Variants in GPC5 observed in about 807,000 individuals in gnomAD.
The protein encoded by GPC5 is glypican-5.
GPC5 carries 47 observed loss-of-function variants against 53.9 expected under a neutral mutation model. The observed-to-expected ratio is 0.87, with a 90% CI of 0.69 to 1.11. The LOEUF is 1.11. GPC5 is among the 50% of genes most tolerant of loss of function. GPC5 has a pLI of 0.00. For missense variants in GPC5, 748 were observed against 713.1 expected (o/e 1.05, Z -0.56); for synonymous variants, 286 against 263.3 (o/e 1.09, Z -0.84).
At chr13:92,667,904 G>A (rs1886627279) in intron 7 of GPC5, among the ~76,000 whole-genome samples, 1 of 152,126 alleles carries the variant, frequency 6.6e-6, no homozygotes, top group Admixed American at 6.6e-5. Flanking sequence ...GGGATTTCAA[G>A]TGAGCAAAAA....
At chr13:92,304,962 G>A (rs887845763) in intron 7 of GPC5, among the ~76,000 whole-genome samples, 1 of 152,146 alleles carries the variant, frequency 6.6e-6, no homozygotes, top group African/African-American at 2.4e-5. Context: ...CTAACCATTA[G>A]AGTAAATAGA....
chr13:91,427,796 G>A lies in GPC5; in HGVS notation c.164-20965G>A, dbSNP rs530669801. 2.6e-5 allele frequency among the ~76,000 whole-genome samples: 4 copies of A among 152,288 alleles called. No individual in the cohort carries two copies. In the East Asian group the frequency reaches 5.8e-4, roughly 22 times the overall value. On this transcript the variant is annotated intron_variant, in intron 1 of 7. Transcript: ENST00000377067. ...TCATCTTGAATTGATGTCCCCAGGTGTTGATGGAGAGACCTGGGGGGAAGT... is the reference window on the plus strand; with the variant it reads ...TCATCTTGAATTGATGTCCCCAGGTATTGATGGAGAGACCTGGGGGGAAGT...
intron 5 of GPC5, among the ~76,000 whole-genome samples, chr13:91,859,523 G>A (rs566533862): frequency 2.6e-5 from 4 of 151,676 alleles, no homozygotes; most frequent in Non-Finnish European, 5.9e-5. Context: ...AATAAGCTTT[G>A]GTAATTTGTC....
intron 2 of GPC5, among the ~76,000 whole-genome samples, chr13:91,460,579 G>A (rs1045240787): frequency 2.6e-5 from 4 of 152,014 alleles, no homozygotes; most frequent in Non-Finnish European, 5.9e-5. Context: ...TGGGATTACA[G>A]GCATGAGCCA....
chr13:92,140,521 TAAG>T (rs1325769244), intron 6 of GPC5, among the ~76,000 whole-genome samples: 2 of 152,192 alleles, frequency 1.3e-5, no homozygotes, highest in Admixed American at 1.3e-4. Flanking sequence ...TCTAGGAAAT[TAAG>T]AAGCGGCCAT....
intron 7 of GPC5, among the ~76,000 whole-genome samples, chr13:92,793,588 T>C (rs1031154355): frequency 6.6e-6 from 1 of 151,416 alleles, no homozygotes; most frequent in African/African-American, 2.4e-5. Context: ...AAACAATGAA[T>C]CCAGGAGCTA....
At chr13:91,858,986 A>T (rs2138907137) in intron 5 of GPC5, among the ~76,000 whole-genome samples, 1 of 150,502 alleles carries the variant, frequency 6.6e-6, no homozygotes, top group South Asian at 2.1e-4. Flanking sequence ...TTTCTAAAAT[A>T]TCAACTATAA....
intron 6 of GPC5, among the ~76,000 whole-genome samples, chr13:92,094,884 T>G (rs2041410099): frequency 6.6e-6 from 1 of 152,152 alleles, no homozygotes; most frequent in African/African-American, 2.4e-5. Flanking sequence ...TGTGTTTCCA[T>G]TTCTCTCTCT....
intron 7 of GPC5, among the ~76,000 whole-genome samples, chr13:92,362,380 T>C (rs1465274840): frequency 6.6e-6 from 1 of 151,814 alleles, no homozygotes; most frequent in African/African-American, 2.4e-5. Flanking sequence ...AAACTTTTGA[T>C]AAAGGGTTAA....
chr13:91,417,230 T>C (rs1446329108), intron 1 of GPC5, among the ~76,000 whole-genome samples: 4 of 152,314 alleles, frequency 2.6e-5, no homozygotes, highest in African/African-American at 9.6e-5. Flanking sequence ...TACTGTGTCA[T>C]ACCAAGGTCG....
chr13:92,267,716 G>A (rs1027652394), intron 7 of GPC5, among the ~76,000 whole-genome samples: 3 of 148,030 alleles, frequency 2.0e-5, no homozygotes, highest in African/African-American at 7.6e-5. Flanking sequence ...CTCTTTTTTT[G>A]TAAATAAAGT....
At chr13:91,717,147 G>C (rs1248449705) in intron 3 of GPC5, among the ~76,000 whole-genome samples, 1 of 152,088 alleles carries the variant, frequency 6.6e-6, no homozygotes, top group African/African-American at 2.4e-5. Context: ...GTGGAAACAG[G>C]CAAGGAGAAA....
chr13:92,197,715 C>T (rs1286662762), intron 7 of GPC5, among the ~76,000 whole-genome samples: 1 of 150,640 alleles, frequency 6.6e-6, no homozygotes, highest in African/African-American at 2.5e-5. Context: ...GGGGCTTTGC[C>T]ATGTTTCCCA....
At chr13:92,185,860 A>C (rs1351006311) in intron 7 of GPC5, among the ~76,000 whole-genome samples, 1 of 152,176 alleles carries the variant, frequency 6.6e-6, no homozygotes, top group Non-Finnish European at 1.5e-5. Flanking sequence ...AACTCTGGGA[A>C]AGAATAGATA....
At chr13:92,450,334 T>C (rs566814259) in intron 7 of GPC5, among the ~76,000 whole-genome samples, 2 of 152,322 alleles carry the variant, frequency 1.3e-5, no homozygotes, top group African/African-American at 4.8e-5. Flanking sequence ...ATGAGATATC[T>C]TAGGGATGGG....
chr13:91,987,961 T>C (rs563474857), intron 6 of GPC5, among the ~76,000 whole-genome samples: 24 of 145,826 alleles, frequency 1.6e-4, no homozygotes, highest in Non-Finnish European at 3.0e-4. Flanking sequence ...TTATAGTAAA[T>C]ATATAATATA....
chr13:92,287,743 C>G (rs575129224), intron 7 of GPC5, among the ~76,000 whole-genome samples: 5 of 152,176 alleles, frequency 3.3e-5, no homozygotes, highest in Non-Finnish European at 7.4e-5. Context: ...TATAATGTGT[C>G]TCAGTGTAAG....
chr13:91,788,153 C>A (rs1417014057), intron 5 of GPC5, among the ~76,000 whole-genome samples: 2 of 152,186 alleles, frequency 1.3e-5, no homozygotes, highest in African/African-American at 4.8e-5. Flanking sequence ...GTTTTAGAGG[C>A]AGGGCAGTCC....
Position 91,823,710 on chromosome 13 carries a change from A to T in GPC5, c.1280+67290A>T, listed in dbSNP as rs185346944. On this transcript the variant is annotated intron_variant, in intron 5 of 7. Transcript: ENST00000377067. The stretch of plus-strand genomic sequence containing the variant: ...AACTAACATAAACTGCACAAAACCA[A>T]TTTTTGCTATAAAACAGTGAGTGCT... Among the ~76,000 whole-genome samples, 529 of 152,120 alleles carry T rather than the reference A, an allele frequency of 3.5e-3. 4 individuals are homozygous for T. The highest frequency in any genetic ancestry group is 0.012 in the African/African-American group (495 of 41,510).
Sources: allele counts gnomAD v4.1 joint callset (sites outside exome capture counted in the v4.1 genomes callset), GRCh38; gene constraint gnomAD v4.1.1; transcripts MANE v1.5; gene names NCBI Gene and HGNC (gene_info 2026-07-23, HGNC 2026-07-21).